The following SLC14A2 variants were observed in gnomAD, a reference collection of about 807,000 sequenced individuals.
SLC14A2 encodes the protein solute carrier family 14 member 2, also known as urea transporter 2.
SLC14A2 carries 91 observed loss-of-function variants against 104.6 expected under a neutral mutation model. The observed-to-expected ratio is 0.87, with a 90% CI of 0.73 to 1.04. The LOEUF (loss-of-function observed/expected upper bound fraction) is 1.04, where lower values mean the gene tolerates loss of function less well. Ranked by LOEUF, SLC14A2 falls within the 50% of genes least tolerant of loss-of-function variation. SLC14A2 has a pLI of 0.00. For synonymous variants in SLC14A2, 476 were observed against 466.4 expected (o/e 1.02, Z -0.27); for missense variants, 1,189 against 1,156.0 (o/e 1.03, Z -0.41).
At chr18:45,522,733 T>C (rs568757313) in intron 2 of SLC14A2, among the ~76,000 whole-genome samples, 122 of 152,346 alleles carry the variant, frequency 8.0e-4, no homozygotes, top group African/African-American at 2.8e-3. Context: ...GGTTGTTGTT[T>C]GTTGCGTGAA....
intron 2 of SLC14A2, among the ~76,000 whole-genome samples, chr18:45,602,826 C>T (rs1430082836): frequency 6.6e-6 from 1 of 152,224 alleles, no homozygotes; most frequent in Admixed American, 6.5e-5. Flanking sequence ...TTTGACTGAA[C>T]TCATTCAAAT....
chr18:45,651,216 C>T (rs181904842), intron 10 of SLC14A2, among the ~76,000 whole-genome samples: 76 of 152,222 alleles, frequency 5.0e-4, no homozygotes, highest in African/African-American at 1.8e-3. Flanking sequence ...GAGAACAGTT[C>T]TGATGAAAGG....
chr18:45,408,793 G>C (rs1369827266), intron 1 of SLC14A2, among the ~76,000 whole-genome samples: 1 of 152,050 alleles, frequency 6.6e-6, no homozygotes, highest in Non-Finnish European at 1.5e-5. Context: ...AATAATGTAA[G>C]GCTGACAAAA....
chr18:45,420,835 G>A (rs113448268), intron 1 of SLC14A2, among the ~76,000 whole-genome samples: 5,123 of 151,688 alleles, frequency 0.034, 290 homozygotes, highest in African/African-American at 0.12. Flanking sequence ...CCGCCTCCCG[G>A]GTTCAAGAAA....
chr18:45,662,973 C>T (rs1212088980), intron 10 of SLC14A2, among the ~76,000 whole-genome samples: 2 of 152,122 alleles, frequency 1.3e-5, no homozygotes, highest in African/African-American at 4.8e-5. Flanking sequence ...CATTGAGAGA[C>T]CCTATCCCAA....
rs555373732 is a variant in SLC14A2 at position 45,381,938 on chromosome 18, A to G, written c.-124-101295A>G. Among the ~76,000 whole-genome samples the G allele has an allele frequency of 1.1e-4, 17 of 152,246 alleles. No individual in the cohort carries two copies. In the South Asian group the frequency reaches 3.5e-3, roughly 32 times the overall value. ...AGGAGAACTGCACCACCCAGGGACA[A>G]TGGGCTGGGCTGAAAAACTACAACT... On this transcript the variant is annotated intron_variant, in intron 1 of 20. Coordinates refer to the SLC14A2 transcript ENST00000586448.
rs34188378 is a variant in SLC14A2, at chr18:45,445,106, CTT to C, written c.-124-38105_-124-38104del. ...TAACTCTTTGTGGCAAATTGACATG[CTT>C]TTTTTTTTTTTTTTTTTTTTTAAGA... On this transcript the variant is annotated intron_variant, in intron 1 of 20. Transcript: ENST00000586448. Among the ~76,000 whole-genome samples, 536 of 94,692 alleles carry C rather than the reference CTT, an allele frequency of 5.7e-3. 4 individuals are homozygous for C. The highest frequency in any genetic ancestry group is 8.9e-3 in the Non-Finnish European group (451 of 50,792). 62.1% of individuals were successfully genotyped at this position (94,692 alleles called of 152,430 possible).
chr18:45,390,901 T>C (rs998974184), intron 1 of SLC14A2, among the ~76,000 whole-genome samples: 11 of 152,246 alleles, frequency 7.2e-5, no homozygotes, highest in African/African-American at 2.7e-4. Context: ...TACAGACACA[T>C]CATTTTCACT....
chr18:45,621,068 AT>A (rs2045158871), intron 1 of SLC14A2, among the ~76,000 whole-genome samples: 1 of 152,202 alleles, frequency 6.6e-6, no homozygotes, highest in Non-Finnish European at 1.5e-5. Flanking sequence ...GTGTGTCTAG[AT>A]ATCTGATTGC....
At chr18:45,429,255 T>C (rs2086478461) in intron 1 of SLC14A2, among the ~76,000 whole-genome samples, 1 of 152,248 alleles carries the variant, frequency 6.6e-6, no homozygotes, top group African/African-American at 2.4e-5. Flanking sequence ...AAAAGTCTAC[T>C]TATTACATGA....
chr18:45,421,172 T>G (rs1195297371), intron 1 of SLC14A2, among the ~76,000 whole-genome samples: 2 of 152,192 alleles, frequency 1.3e-5, no homozygotes, highest in African/African-American at 4.8e-5. Flanking sequence ...AAAATGTATT[T>G]TATGAGCTAT....
At chr18:45,173,273 A>C in the SLC14A2 span, among the ~76,000 whole-genome samples, 1 of 152,104 alleles carries the variant, frequency 6.6e-6, no homozygotes, top group Admixed American at 6.6e-5. Flanking sequence ...ACTAAAGGAA[A>C]ACCCACATCT....
chr18:45,403,404 C>A (rs1019161276), intron 1 of SLC14A2, among the ~76,000 whole-genome samples: 2 of 152,230 alleles, frequency 1.3e-5, no homozygotes, highest in Admixed American at 6.5e-5. Context: ...TACCATAGAA[C>A]CTCATTTAAA....
At chr18:45,537,549 A>C (rs574296776) in intron 2 of SLC14A2, among the ~76,000 whole-genome samples, 59 of 152,312 alleles carry the variant, frequency 3.9e-4, no homozygotes, top group African/African-American at 1.3e-3. Flanking sequence ...GGAGAGAGGT[A>C]GGAGGTGAGG....
chr18:45,299,000 C>T (rs540590661), intron 1 of SLC14A2, among the ~76,000 whole-genome samples: 3 of 152,074 alleles, frequency 2.0e-5, no homozygotes, highest in Middle Eastern at 3.4e-3. Flanking sequence ...TGCAGAGTAA[C>T]TGATAAAGCC....
At chr18:45,666,853 T>C (rs2046033140) in intron 12 of SLC14A2, 82 bp from the exon 13 acceptor site, 4 of 1,170,520 alleles carry the variant, frequency 3.4e-6, no homozygotes, top group Non-Finnish European at 3.7e-6. Flanking sequence ...TCTTATTTGG[T>C]CCCTGAGTGA....
intron 2 of SLC14A2, among the ~76,000 whole-genome samples, chr18:45,608,908 T>C (rs1386274743): frequency 6.6e-6 from 1 of 152,200 alleles, no homozygotes; most frequent in Admixed American, 6.5e-5. Flanking sequence ...CCCCTCTGCA[T>C]TTTCTCCTTG....
chr18:45,215,645 T>C (rs2084003682), intron 1 of SLC14A2, among the ~76,000 whole-genome samples: 1 of 152,244 alleles, frequency 6.6e-6, no homozygotes, highest in Non-Finnish European at 1.5e-5. Context: ...TCAAACATTT[T>C]TGAAGATTGA....
At chr18:45,429,759 G>A (rs2086486209) in intron 1 of SLC14A2, among the ~76,000 whole-genome samples, 1 of 152,196 alleles carries the variant, frequency 6.6e-6, no homozygotes, top group South Asian at 2.1e-4. Flanking sequence ...TGGGGCACCT[G>A]GAAGTCTCCT....
Sources: allele counts gnomAD v4.1 joint callset (sites outside exome capture counted in the v4.1 genomes callset), GRCh38; gene constraint gnomAD v4.1.1; transcripts MANE v1.5; gene names NCBI Gene and HGNC (gene_info 2026-07-23, HGNC 2026-07-21).